Variants in DNAJC5B observed in about 807,000 individuals in gnomAD.
The protein encoded by DNAJC5B is DnaJ heat shock protein family (Hsp40) member C5 beta, also known as dnaJ homolog subfamily C member 5B.
DNAJC5B carries 23 observed loss-of-function variants against 24.7 expected under a neutral mutation model. The ratio of observed to expected loss-of-function variants is 0.93; its 90% CI spans 0.67 to 1.32. The LOEUF (loss-of-function observed/expected upper bound fraction) is 1.32. DNAJC5B is among the 40% of genes most tolerant of loss of function. DNAJC5B has a pLI of 0.00. For synonymous variants in DNAJC5B, 101 were observed against 90.1 expected, an observed-to-expected ratio of 1.12 and a Z score of -0.68; for missense variants, 238 against 240.8, an observed-to-expected ratio of 0.99 and a Z score of 0.08.
At chr8:66,099,036 TCACACA>T (rs34531773) in intron 5 of DNAJC5B, among the ~76,000 whole-genome samples, 12 of 146,154 alleles carry the variant, frequency 8.2e-5, no homozygotes, top group South Asian at 4.3e-4. Flanking sequence ...TCTCTCTCTG[TCACACA>T]CACACACACA....
At chr8:66,018,737 G>GCA (rs112367238), upstream of DNAJC5B, among the ~76,000 whole-genome samples, 70,693 of 150,512 alleles carry the variant, frequency 0.47, 21,192 homozygotes, top group African/African-American at 0.86. Context: ...GTGGGAATCT[G>GCA]TATATATATA....
chr8:66,073,419 TTAATC>T (rs1807393360), intron 3 of DNAJC5B, among the ~76,000 whole-genome samples: 1 of 152,050 alleles, frequency 6.6e-6, no homozygotes, highest in Non-Finnish European at 1.5e-5. Context: ...AATCTCCAAA[TTAATC>T]TATAGAGTCA....
intron 3 of DNAJC5B, among the ~76,000 whole-genome samples, chr8:66,072,432 A>G (rs1807370971): frequency 6.6e-6 from 1 of 152,222 alleles, no homozygotes; most frequent in African/African-American, 2.4e-5. Flanking sequence ...ATAAAAACAA[A>G]GTACCCAATA....
At chr8:66,097,947 T>G (rs1807989600) in intron 5 of DNAJC5B, among the ~76,000 whole-genome samples, 1 of 151,992 alleles carries the variant, frequency 6.6e-6, no homozygotes. Context: ...CCTCCTGGGT[T>G]CAAGCGATTC....
chr8:66,066,584 TTGGA>T (rs1807200861), intron 3 of DNAJC5B, among the ~76,000 whole-genome samples: 1 of 152,250 alleles, frequency 6.6e-6, no homozygotes, highest in East Asian at 1.9e-4. Flanking sequence ...TTGCAGCAAC[TTGGA>T]TGGAGCTGGA....
upstream of DNAJC5B, among the ~76,000 whole-genome samples, chr8:66,017,188 T>C (rs1007580995): frequency 2.0e-5 from 3 of 152,170 alleles, no homozygotes; most frequent in African/African-American, 7.2e-5. Flanking sequence ...GAGCATTGTG[T>C]TTCTTGGATC....
At chr8:66,065,284 G>A (rs539484236) in intron 3 of DNAJC5B, among the ~76,000 whole-genome samples, 1 of 152,352 alleles carries the variant, frequency 6.6e-6, no homozygotes, top group South Asian at 2.1e-4. Flanking sequence ...GTTGGGGTGA[G>A]TTGCTCAGAT....
chr8:66,076,057 A>G (rs545073967), intron 3 of DNAJC5B, among the ~76,000 whole-genome samples: 168 of 152,322 alleles, frequency 1.1e-3, no homozygotes, highest in African/African-American at 3.2e-3. Context: ...GAAAATTTCT[A>G]TAGATTATTA....
At chr8:66,062,371 T>C (rs1184064769) in intron 3 of DNAJC5B, among the ~76,000 whole-genome samples, 1 of 152,144 alleles carries the variant, frequency 6.6e-6, no homozygotes, top group East Asian at 1.9e-4. Context: ...TTTTGTATGA[T>C]TCTGGGACCT....
intron 1 of DNAJC5B, among the ~76,000 whole-genome samples, chr8:66,021,916 GT>G (rs1806134860): frequency 6.6e-6 from 1 of 152,158 alleles, no homozygotes; most frequent in Non-Finnish European, 1.5e-5. Flanking sequence ...CTATTTAGAG[GT>G]TTTTTTCTTT....
upstream of DNAJC5B, among the ~76,000 whole-genome samples, chr8:66,018,849 C>T (rs967426275): frequency 6.6e-6 from 1 of 152,206 alleles, no homozygotes; most frequent in Non-Finnish European, 1.5e-5. Flanking sequence ...AGCATTTCCC[C>T]CCACAAAATC....
intron 3 of DNAJC5B, among the ~76,000 whole-genome samples, chr8:66,063,821 A>T (rs568142679): frequency 6.6e-6 from 1 of 152,332 alleles, no homozygotes; most frequent in East Asian, 1.9e-4. Flanking sequence ...GCTCAAGTTC[A>T]TCTATCCCAC....
chr8:66,096,825 C>G (rs1334629773), intron 5 of DNAJC5B, among the ~76,000 whole-genome samples: 1 of 151,886 alleles, frequency 6.6e-6, no homozygotes, highest in African/African-American at 2.4e-5. Context: ...GTACTATATC[C>G]ATTGGTATTT....
At position 66,100,575 on chromosome 8, in the gene DNAJC5B, T is replaced by G. The variant is rs1452599443; in HGVS notation, c.*544T>G. 6.6e-6 allele frequency: 1 copy of G among 152,132 alleles called. No homozygotes were observed. Among genetic ancestry groups the G allele is most frequent in the African/African-American group, 2.4e-5 (1 of 41,418 alleles). 9.4% of individuals were successfully genotyped at this position (152,132 alleles called of 1,614,324 possible). ...ATTTTTAAGGTATATTTTTGGAACATTAAAAATTGGCATTTACTGAAAACT... is the reference window on the plus strand; with the variant it reads ...ATTTTTAAGGTATATTTTTGGAACAGTAAAAATTGGCATTTACTGAAAACT... On this transcript the variant is annotated 3_prime_UTR_variant, in exon 6 of 6. Coordinates refer to ENST00000276570, the MANE Select transcript of DNAJC5B (RefSeq NM_033105.6).
At chr8:66,076,425 A>C (rs1350929051) in intron 3 of DNAJC5B, among the ~76,000 whole-genome samples, 1 of 152,228 alleles carries the variant, frequency 6.6e-6, no homozygotes, top group African/African-American at 2.4e-5. Flanking sequence ...TCATGCAGAT[A>C]CTGAGAATTC....
chr8:66,095,777 C>T (rs1807940223), intron 5 of DNAJC5B, among the ~76,000 whole-genome samples: 1 of 151,546 alleles, frequency 6.6e-6, no homozygotes, highest in African/African-American at 2.4e-5. Flanking sequence ...TAAGCTAGGC[C>T]TGTGTATATC....
intron 5 of DNAJC5B, among the ~76,000 whole-genome samples, chr8:66,086,176 T>C (rs554899247): frequency 6.6e-6 from 1 of 152,326 alleles, no homozygotes; most frequent in Non-Finnish European, 1.5e-5. Flanking sequence ...TTTGGATTTT[T>C]GTGTGTGTGT....
chr8:66,090,562 TGTGAGATTCG>T (rs1488102918), intron 5 of DNAJC5B, among the ~76,000 whole-genome samples: 1 of 152,110 alleles, frequency 6.6e-6, no homozygotes. Context: ...GATCTAAAAA[TGTGAGATTCG>T]GTGCATAGAA....
intron 3 of DNAJC5B, among the ~76,000 whole-genome samples, chr8:66,071,280 A>C (rs763342136): frequency 3.3e-5 from 5 of 152,238 alleles, no homozygotes; most frequent in African/African-American, 9.6e-5. Flanking sequence ...GAATGGGAGA[A>C]AATTTTTTGC....
Sources: allele counts gnomAD v4.1 joint callset (sites outside exome capture counted in the v4.1 genomes callset), GRCh38; gene constraint gnomAD v4.1.1; transcripts MANE v1.5; gene names NCBI Gene and HGNC (gene_info 2026-07-23, HGNC 2026-07-21).